Variants in COBL observed in about 807,000 individuals in gnomAD.
COBL encodes protein cordon-bleu.
COBL carries 51 observed loss-of-function variants against 98.8 expected under a neutral mutation model. The observed-to-expected ratio is 0.52, with a 90% CI of 0.41 to 0.65. The LOEUF is 0.65. Ranked by LOEUF, COBL falls within the 30% of genes least tolerant of loss-of-function variation. The pLI, the probability that COBL is intolerant of heterozygous loss-of-function variation, is 0.00. For missense variants in COBL, 1,617 were observed against 1,617.5 expected (o/e 1.00, Z 0.01); for synonymous variants, 634 against 651.7 (o/e 0.97, Z 0.41).
At chr7:51,060,140 G>C (rs1791183653) in intron 7 of COBL, among the ~76,000 whole-genome samples, 1 of 152,110 alleles carries the variant, frequency 6.6e-6, no homozygotes, top group South Asian at 2.1e-4. Flanking sequence ...CACTCCACAG[G>C]TCTCTGAGCA....
At chr7:51,087,434 C>T (rs1794384040) in intron 6 of COBL, among the ~76,000 whole-genome samples, 1 of 152,032 alleles carries the variant, frequency 6.6e-6, no homozygotes, top group South Asian at 2.1e-4. Flanking sequence ...ATTCCCATTC[C>T]CTCTATTCAG....
chr7:51,224,423 C>A (rs1218376605), intron 1 of COBL, among the ~76,000 whole-genome samples: 1 of 152,040 alleles, frequency 6.6e-6, no homozygotes, highest in Non-Finnish European at 1.5e-5. Flanking sequence ...GGAGAAAAAA[C>A]CTGTGTGGAC....
chr7:51,149,174 G>T lies in COBL; in HGVS notation c.784-12843C>A, dbSNP rs563037548. 1.2e-3 allele frequency among the ~76,000 whole-genome samples: 176 copies of T among 152,350 alleles called. 2 individuals are homozygous for T. In the South Asian group the frequency reaches 0.032, roughly 28 times the overall value. On this transcript the variant is annotated intron_variant, in intron 5 of 12. Coordinates refer to ENST00000265136, the MANE Select transcript of COBL (RefSeq NM_015198.5). ...TTCTGTGAGGCAATGTGAAGTGCAA[G>T]TGTCTGTCACTTCTCATGAACAGAG...
At chr7:51,264,193 G>C (rs1584346358) in intron 1 of COBL, among the ~76,000 whole-genome samples, 1 of 152,038 alleles carries the variant, frequency 6.6e-6, no homozygotes, top group Non-Finnish European at 1.5e-5. Flanking sequence ...AGGAAGGATG[G>C]GTGCAAAAGC....
intron 12 of COBL, among the ~76,000 whole-genome samples, chr7:51,024,217 G>A (rs908896418): frequency 1.3e-5 from 2 of 152,094 alleles, no homozygotes; most frequent in Non-Finnish European, 2.9e-5. Flanking sequence ...GCTGAGGCAG[G>A]AGAATGGCAT....
At chr7:51,220,002 A>G (rs1272894082) in intron 1 of COBL, 58 bp from the exon 2 acceptor site, 7 of 1,524,718 alleles carry the variant, frequency 4.6e-6, no homozygotes, top group Non-Finnish European at 6.2e-6. Context: ...CCTGCCTCGG[A>G]ATAATTCGTT....
chr7:51,193,630 G>T, intron 2 of COBL, 41 bp from the exon 3 acceptor site: 1 of 1,565,446 alleles, frequency 6.4e-7, no homozygotes, highest in Non-Finnish European at 8.8e-7. Flanking sequence ...AGGAATGACT[G>T]CACTCTCTCT....
intron 5 of COBL, among the ~76,000 whole-genome samples, chr7:51,158,276 C>T (rs145816117): frequency 4.3e-4 from 66 of 151,768 alleles, no homozygotes; most frequent in African/African-American, 1.5e-3. Flanking sequence ...TGAATTGGTA[C>T]CATGCAAAAT....
rs1188683145 is a variant in COBL at position 51,085,269 on chromosome 7, C to A, written c.993G>T (p.Lys331Asn). 5.0e-6 allele frequency: 8 copies of A among 1,585,610 alleles called. No homozygotes were observed. Among genetic ancestry groups the A allele is most frequent in the Non-Finnish European group, 6.9e-6 (8 of 1,165,710 alleles). The change falls in exon 7 of 13, where the codon AAG (lysine) becomes AAT (asparagine). Residue 331 changes from lysine (K) to asparagine (N), a missense_variant. By Grantham distance (94) the Lys-to-Asn change is moderately conservative. Around this residue, in one of 3 missense-constraint regions of COBL, gnomAD observed 1,304 missense variants for 1,282.0 expected, o/e 1.02. Coordinates refer to ENST00000265136, the MANE Select transcript of COBL (RefSeq NM_015198.5). ...SLGSQIDLQK[K>N]KRRAPAPPPP... The stretch of plus-strand genomic sequence containing the variant: ...GAGGGGGAGCTGGCGCTCGCCGCTT[C>A]TTCTTCTGTAAATCAATCTGTGACC...
chr7:51,254,403 A>T (rs1293444591), intron 1 of COBL, among the ~76,000 whole-genome samples: 3 of 152,242 alleles, frequency 2.0e-5, no homozygotes, highest in African/African-American at 7.2e-5. Context: ...ACTTGTATAT[A>T]AGGGAAAACA....
chr7:51,208,775 C>G (rs934797380), intron 2 of COBL, among the ~76,000 whole-genome samples: 1 of 152,138 alleles, frequency 6.6e-6, no homozygotes, highest in Non-Finnish European at 1.5e-5. Flanking sequence ...CAACCCTGTG[C>G]TCTCTGAAAC....
At chr7:51,123,971 C>A (rs1797974348) in intron 6 of COBL, among the ~76,000 whole-genome samples, 1 of 152,198 alleles carries the variant, frequency 6.6e-6, no homozygotes, top group Admixed American at 6.5e-5. Context: ...CAGACAGGCC[C>A]ATATTCTGTT....
At chr7:51,201,393 C>G (rs937576329) in intron 2 of COBL, among the ~76,000 whole-genome samples, 3 of 151,848 alleles carry the variant, frequency 2.0e-5, no homozygotes, top group Non-Finnish European at 4.4e-5. Flanking sequence ...AACAGAAAGA[C>G]CCAATAGTTA....
intron 7 of COBL, among the ~76,000 whole-genome samples, chr7:51,052,704 T>C (rs1354021440): frequency 3.3e-5 from 5 of 152,198 alleles, no homozygotes; most frequent in Non-Finnish European, 5.9e-5. Flanking sequence ...CAATCTCAAA[T>C]TGACTATGCT....
intron 1 of COBL, among the ~76,000 whole-genome samples, chr7:51,297,098 G>A (rs1801483100): frequency 6.6e-6 from 1 of 152,250 alleles, no homozygotes; most frequent in East Asian, 1.9e-4. Context: ...AAGAGCTGAG[G>A]TATGTTTCTA....
chr7:51,070,167 G>C (rs1468341123), intron 7 of COBL, among the ~76,000 whole-genome samples: 1 of 151,980 alleles, frequency 6.6e-6, no homozygotes, highest in Non-Finnish European at 1.5e-5. Context: ...TCGGCAAAAG[G>C]GTTACCAATT....
Position 51,136,251 on chromosome 7 carries a change from G to A in COBL, c.864C>T (p.Ile288=). The A allele has an allele frequency of 6.2e-7, 1 of 1,614,042 alleles. No homozygotes were observed. The highest frequency in any genetic ancestry group is 8.5e-7 in the Non-Finnish European group (1 of 1,180,040). ...TLGPSLSLGS[I]SGVSVKSEMK... ...TCTCCGACTTCACGGACACCCCTGAGATGCTGCCCAGCGAGAGGGATGGAC... is the reference window on the plus strand; with the variant it reads ...TCTCCGACTTCACGGACACCCCTGAAATGCTGCCCAGCGAGAGGGATGGAC... Residue 288 remains isoleucine, a synonymous_variant, in exon 6 of 13, where the codon ATC becomes ATT. Coordinates refer to ENST00000265136, the MANE Select transcript of COBL (RefSeq NM_015198.5).
Position 51,030,927 on chromosome 7 carries a change from G to A in COBL, c.1407-18C>T. The A allele has an allele frequency of 2.7e-6, 4 of 1,483,080 alleles. No homozygotes were observed. The highest frequency in any genetic ancestry group is 3.8e-6 in the Non-Finnish European group (4 of 1,062,310). 91.9% of individuals were successfully genotyped at this position (1,483,080 alleles called of 1,614,324 possible). A position where few individuals can be genotyped will look rare whatever the true frequency, so the allele number is the denominator to read the frequency against. ...TTTCAGTTCTAGGGAAGACCAAAGA[G>A]AAAGGAGCACTCATTTCTCTTACTA... On this transcript the variant is annotated intron_variant, in intron 8 of 12. Transcript: ENST00000265136.
At chr7:51,053,272 T>C (rs561825863) in intron 7 of COBL, among the ~76,000 whole-genome samples, 4 of 152,196 alleles carry the variant, frequency 2.6e-5, no homozygotes, top group Admixed American at 2.0e-4. Context: ...AAATAAGAAA[T>C]AAAATAGATC....
Sources: gnomAD v4.1 joint callset for allele counts (sites outside exome capture counted in the v4.1 genomes callset) on GRCh38, gnomAD v4.1.1 for gene constraint, gnomAD v4.1.1 regional missense constraint, MANE v1.5 for transcripts, NCBI Gene and HGNC (gene_info 2026-07-23, HGNC 2026-07-21) for gene names.